SARDH: variants seen among roughly 807,000 people sequenced by gnomAD.
SARDH encodes sarcosine dehydrogenase, mitochondrial.
A neutral mutation model predicts 109.1 loss-of-function variants in SARDH; 95 were observed. The ratio of observed to expected loss-of-function variants is 0.87; its 90% confidence interval spans 0.74 to 1.03. SARDH has a LOEUF of 1.03. Among genes scored for constraint, SARDH ranks in the 50% least tolerant of loss-of-function variants. The pLI, the probability that SARDH is intolerant of heterozygous loss-of-function variation, is 0.00. For missense variants in SARDH, 1,267 were observed against 1,287.8 expected, an observed-to-expected ratio of 0.98 and a Z score of 0.25; for synonymous variants, 572 against 534.8, an observed-to-expected ratio of 1.07 and a Z score of -0.96.
chr9:133,738,114 C>T (rs1204588136), intron 1 of SARDH, 140 bp downstream of exon 1: 2 of 152,482 alleles, frequency 1.3e-5, no homozygotes, highest in Non-Finnish European at 1.5e-5. Context: ...ATATGGTGAA[C>T]CCTGGTCCTG....
chr9:133,669,931 T>C (rs1029381162), intron 19 of SARDH, among the ~76,000 whole-genome samples: 4 of 152,322 alleles, frequency 2.6e-5, no homozygotes, highest in African/African-American at 9.6e-5. Flanking sequence ...TGGCTGCACC[T>C]TTCTCTTTTG....
chr9:133,669,887 G>A (rs111612233), intron 19 of SARDH, among the ~76,000 whole-genome samples: 2,263 of 152,344 alleles, frequency 0.015, 63 homozygotes, highest in African/African-American at 0.051. Flanking sequence ...CAAGGCCCTC[G>A]GCCTAGACCT....
At chr9:133,661,848 C>T (rs1450891088), downstream of SARDH, among the ~76,000 whole-genome samples, 1 of 152,174 alleles carries the variant, frequency 6.6e-6, no homozygotes, top group African/African-American at 2.4e-5. Flanking sequence ...CAGTGAGCGT[C>T]ATGGTATCAA....
Position 133,730,162 on chromosome 9 carries a change from C to T in SARDH, c.716G>A (p.Gly239Asp), listed in dbSNP as rs865902026. The part of the protein sequence containing the change: ...AQVIENCPVT[G>D]IRVWTDDFGV... ...AAAATCATCCGTCCACACACGAATG[C>T]CGGTCACTGGGCAGTTCTCAATGAC... The change falls in exon 5 of 21, where the codon GGC becomes GAC. Residue 239 changes from glycine (G) to aspartate (D), a missense_variant. Physicochemically the swap from Gly to Asp is moderately conservative, Grantham distance 94. Transcript: ENST00000439388. The T allele has an allele frequency of 6.2e-7, 1 of 1,614,214 alleles. No individual in the cohort carries two copies. The highest frequency in any genetic ancestry group is 8.5e-7 in the Non-Finnish European group (1 of 1,180,046).
chr9:133,659,557 T>G (rs1029021720), downstream of SARDH, among the ~76,000 whole-genome samples: 19 of 152,334 alleles, frequency 1.2e-4, no homozygotes, highest in African/African-American at 4.3e-4. Flanking sequence ...GATGCACTTG[T>G]GTTCAGCCAC....
At chr9:133,720,058 CG>C (rs1202170520) in intron 6 of SARDH, among the ~76,000 whole-genome samples, 1 of 151,424 alleles carries the variant, frequency 6.6e-6, no homozygotes, top group Non-Finnish European at 1.5e-5. Context: ...TGCAGTGAGC[CG>C]AGATCGTGCC....
At chr9:133,713,239 C>A in intron 8 of SARDH, 115 bp from the exon 9 acceptor site, 1 of 794,352 alleles carries the variant, frequency 1.3e-6, no homozygotes, top group Non-Finnish European at 2.0e-6. Context: ...TCCACCCAAC[C>A]CCCTCCCTCC....
chr9:133,720,942 T>A (rs997456356), intron 6 of SARDH, among the ~76,000 whole-genome samples: 1 of 152,054 alleles, frequency 6.6e-6, no homozygotes, highest in African/African-American at 2.4e-5. Context: ...AAGGGCCAGA[T>A]AAGGCTGGGG....
At chr9:133,678,704 C>T (rs1564242058) in intron 17 of SARDH, among the ~76,000 whole-genome samples, 1 of 152,232 alleles carries the variant, frequency 6.6e-6, no homozygotes, top group Non-Finnish European at 1.5e-5. Context: ...GCATCCCCTG[C>T]CGTCCAACAC....
At chr9:133,683,748 C>T (rs1830781455) in intron 17 of SARDH, among the ~76,000 whole-genome samples, 2 of 152,194 alleles carry the variant, frequency 1.3e-5, no homozygotes, top group Admixed American at 1.3e-4. Context: ...CTAACAGAAC[C>T]CAGATTTGTC....
At chr9:133,687,755 A>G (rs1438047259) in intron 16 of SARDH, among the ~76,000 whole-genome samples, 1 of 152,144 alleles carries the variant, frequency 6.6e-6, no homozygotes, top group African/African-American at 2.4e-5. Context: ...CACAGCCCCT[A>G]CTCCATTGTC....
chr9:133,727,469 GC>G (rs1237655076), intron 6 of SARDH, among the ~76,000 whole-genome samples: 1 of 152,242 alleles, frequency 6.6e-6, no homozygotes, highest in African/African-American at 2.4e-5. Flanking sequence ...CCAGGAGAGG[GC>G]CCCCTGGCTT....
intron 17 of SARDH, among the ~76,000 whole-genome samples, chr9:133,677,246 C>T (rs948923843): frequency 1.3e-5 from 2 of 152,054 alleles, no homozygotes; most frequent in Non-Finnish European, 2.9e-5. Context: ...CACAGAGCTT[C>T]GAACATAACT....
At chr9:133,719,354 G>A (rs1306713581) in intron 6 of SARDH, among the ~76,000 whole-genome samples, 1 of 152,222 alleles carries the variant, frequency 6.6e-6, no homozygotes, top group African/African-American at 2.4e-5. Context: ...CGACAAAGAT[G>A]AGAGAACAGG....
In SARDH at chr9:133,726,230, T is replaced by C. The variant is rs368938696; in HGVS notation, c.915+3535A>G. Among the ~76,000 whole-genome samples the C allele has an allele frequency of 1.0e-4, 15 of 150,350 alleles. No homozygotes were observed. The East Asian group carries it at 1.4e-3, about 14-fold the overall frequency. Reference sequence around the variant, plus strand: ...TAAAAATACAAAAATTAGCCAGGAGTGGTGGCACATGCCTGTAGTCCCAGC... The same window carrying C: ...TAAAAATACAAAAATTAGCCAGGAGCGGTGGCACATGCCTGTAGTCCCAGC... On this transcript the variant is annotated intron_variant, in intron 6 of 20. Coordinates refer to ENST00000439388, the MANE Select transcript of SARDH (RefSeq NM_001134707.2).
chr9:133,718,373 T>G lies in SARDH; in HGVS notation c.1020+565A>C. On this transcript the variant is annotated intron_variant, in intron 7 of 20. Coordinates refer to ENST00000439388, the MANE Select transcript of SARDH (RefSeq NM_001134707.2). The surrounding 1 kb of genome is among the most constrained non-coding windows in gnomAD (Gnocchi z 4.2). ...AGGTGTGAGCCACCGTGCCCAGCCA[T>G]TTGTTTGTTTATTGTATGTCTCTCC... 6.7e-6 allele frequency: 2 copies of G among 297,878 alleles called. No homozygotes were observed. The highest frequency in any genetic ancestry group is 1.3e-5 in the Non-Finnish European group (2 of 159,156). The allele number at this position is 297,878 out of a possible 1,614,324, so 18.5% of individuals were successfully genotyped here.
intron 6 of SARDH, among the ~76,000 whole-genome samples, chr9:133,724,114 T>A (rs1221088171): frequency 6.6e-6 from 1 of 151,992 alleles, no homozygotes; most frequent in African/African-American, 2.4e-5. Context: ...GTTATTAAAA[T>A]TTAAAACTTG....
intron 10 of SARDH, 84 bp from the exon 11 acceptor site, chr9:133,708,512 C>A: frequency 6.8e-7 from 1 of 1,481,234 alleles, no homozygotes; most frequent in Non-Finnish European, 9.0e-7. Context: ...TAAGCCTGGA[C>A]CCCGGTCCCC....
Position 133,690,527 on chromosome 9 carries a change from C to T in SARDH, c.1922G>A (p.Gly641Glu), listed in dbSNP as rs1331450936. The change falls in exon 16 of 21, where the codon GGG (glycine) becomes GAG (glutamate). Residue 641 changes from glycine to glutamate, a missense_variant and splice_region_variant. Coordinates refer to ENST00000439388, the MANE Select transcript of SARDH (RefSeq NM_001134707.2). ...GCCCATGGCCAGGTAGTAACCGTCC[C>T]CTGGAAGAGAGGCACCTGGACTTAG... ...QASPLAPAFE[G>E]DGYYLAMGGA... 6.3e-7 allele frequency: 1 copy of T among 1,595,458 alleles called. No individual in the cohort carries two copies. The highest frequency in any genetic ancestry group is 1.1e-5 in the South Asian group (1 of 90,964).
Sources: allele counts gnomAD v4.1 joint callset (sites outside exome capture counted in the v4.1 genomes callset), GRCh38; gene constraint gnomAD v4.1.1; non-coding constraint Gnocchi (gnomAD v3.1); transcripts MANE v1.5; gene names NCBI Gene and HGNC (gene_info 2026-07-23, HGNC 2026-07-21).